ZBTB7A: variants seen among roughly 807,000 people sequenced by gnomAD.
ZBTB7A encodes zinc finger and BTB domain-containing protein 7A.
ZBTB7A carries 7 observed loss-of-function variants against 26.7 expected under a neutral mutation model. The ratio of observed to expected loss-of-function variants is 0.26; its 90% CI spans 0.15 to 0.49. The LOEUF is 0.49. Ranked by LOEUF, ZBTB7A falls within the 20% of genes least tolerant of loss-of-function variation. The probability of loss-of-function intolerance (pLI) is 0.98; values close to 1 mark genes in which losing one functional copy is unlikely to be tolerated. For missense variants in ZBTB7A, 617 were observed against 919.5 expected, an observed-to-expected ratio of 0.67 and a Z score of 4.25; for synonymous variants, 452 against 441.0, an observed-to-expected ratio of 1.02 and a Z score of -0.31.
chr19:4,065,804 A>C, intron 1 of ZBTB7A: 3 of 130,122 alleles, frequency 2.3e-5, no homozygotes, highest in South Asian at 5.3e-4. Context: ...CCAGGCGGGG[A>C]GGGGCCCCGG....
At position 4,050,454 on chromosome 19, in the gene ZBTB7A, G is replaced by A. The variant is rs75758089; in HGVS notation, c.1263-2210C>T. ...AAGGCAGGGGTTGGGTGTGACTTGA[G>A]GGCCCCTCCCTGCCTGTCTCGCCCC... is the stretch of plus-strand genomic sequence containing the variant. On this transcript the variant is annotated intron_variant, in intron 2 of 2. Coordinates refer to ENST00000322357, the MANE Select transcript of ZBTB7A (RefSeq NM_015898.4). 2.4e-3 allele frequency among the ~76,000 whole-genome samples: 366 copies of A among 152,298 alleles called. 1 individual carries two copies. Among genetic ancestry groups the A allele is most frequent in the African/African-American group, 8.3e-3 (345 of 41,564 alleles).
At position 4,057,186 on chromosome 19, in the gene ZBTB7A, T is replaced by G. The variant is rs1423839943; in HGVS notation, c.-15-1939A>C. 4.7e-5 allele frequency among the ~76,000 whole-genome samples: 7 copies of G among 149,190 alleles called. No homozygotes were observed. In the East Asian group the frequency reaches 1.0e-3, roughly 21 times the overall value. ...CAACATGGTGAAATCTCGTCTCTAC[T>G]AAAAATACAAAATTAGCCAGGTGTG... is the stretch of plus-strand genomic sequence containing the variant. On this transcript the variant is annotated intron_variant, in intron 1 of 2. Transcript: ENST00000322357.
At chr19:4,050,352 C>T (rs1458732970) in intron 2 of ZBTB7A, among the ~76,000 whole-genome samples, 4 of 152,214 alleles carry the variant, frequency 2.6e-5, no homozygotes, top group East Asian at 1.9e-4. Context: ...TGAGCCACCG[C>T]GCCCGGCCGG....
intron 1 of ZBTB7A, chr19:4,065,301 C>A (rs2040682697): frequency 6.7e-6 from 1 of 148,770 alleles, no homozygotes; most frequent in Non-Finnish European, 1.5e-5. Context: ...CAGGCCAGGC[C>A]CCCCACCCGG....
At chr19:4,066,190 T>C (rs1427824270) in intron 1 of ZBTB7A, among the ~76,000 whole-genome samples, 1 of 110,340 alleles carries the variant, frequency 9.1e-6, no homozygotes, top group Non-Finnish European at 1.8e-5. Flanking sequence ...CCCTGTTTTT[T>C]CAGCCCCCTC....
chr19:4,066,198 C>T (rs1290407425), intron 1 of ZBTB7A, among the ~76,000 whole-genome samples: 1 of 125,726 alleles, frequency 8.0e-6, no homozygotes, highest in Non-Finnish European at 1.7e-5. Flanking sequence ...TTTCAGCCCC[C>T]TCCCCCCCAT....
chr19:4,063,556 G>A (rs1253082100), intron 1 of ZBTB7A, among the ~76,000 whole-genome samples: 3 of 152,152 alleles, frequency 2.0e-5, no homozygotes, highest in Non-Finnish European at 4.4e-5. Context: ...GTGACCTTGG[G>A]AGCCATGCTG....
At chr19:4,061,521 C>T (rs548417717) in intron 1 of ZBTB7A, 2 of 152,398 alleles carry the variant, frequency 1.3e-5, no homozygotes, top group Non-Finnish European at 2.9e-5. Context: ...CACCAACGGC[C>T]TGGGGTGGCT....
intron 1 of ZBTB7A, chr19:4,061,906 G>C (rs137965286): frequency 6.6e-6 from 1 of 152,242 alleles, no homozygotes; most frequent in East Asian, 1.9e-4. Context: ...TGAGCTTCCC[G>C]TCACTGGGGG....
intron 1 of ZBTB7A, among the ~76,000 whole-genome samples, chr19:4,058,952 G>A (rs951384087): frequency 3.9e-5 from 6 of 152,228 alleles, no homozygotes; most frequent in African/African-American, 1.2e-4. Flanking sequence ...GGCCTGTGGT[G>A]GGGCGGTGGG....
At position 4,043,546 on chromosome 19, in the gene ZBTB7A, G is replaced by A. The variant is rs1456515384; in HGVS notation, c.*4206C>T. Among the ~76,000 whole-genome samples the A allele has an allele frequency of 5.3e-5, 8 of 151,000 alleles. No homozygotes were observed. Among genetic ancestry groups the A allele is most frequent in the Admixed American group, 2.0e-4 (3 of 15,170 alleles). On this transcript the variant is annotated 3_prime_UTR_variant, in exon 3 of 3. Coordinates refer to ENST00000322357, the MANE Select transcript of ZBTB7A (RefSeq NM_015898.4). ...TGTCTGTGCTCTGTACCCTGAGGGC[G>A]CCGCCCCGCCCCCCATTCACCAGGC...
intron 2 of ZBTB7A, among the ~76,000 whole-genome samples, 163 bp downstream of exon 2, chr19:4,053,808 C>T (rs550799917): frequency 2.7e-5 from 4 of 148,440 alleles, no homozygotes; most frequent in African/African-American, 7.5e-5. Context: ...GTGTAGGTGA[C>T]GTGCATGTGT....
Position 4,044,206 on chromosome 19 carries a change from GA to G in ZBTB7A, c.*3545del, listed in dbSNP as rs2040383838. 6.6e-6 allele frequency among the ~76,000 whole-genome samples: 1 copy of G among 152,060 alleles called. No homozygotes were observed. Among genetic ancestry groups the G allele is most frequent in the African/African-American group, 2.4e-5 (1 of 41,442 alleles). On this transcript the variant is annotated 3_prime_UTR_variant, in exon 3 of 3. Transcript: ENST00000322357. ...GAGGCTGGGGGACCCCCCTCGGAAG[GA>G]AGCAAAAAGACAGTGACAGGACTGC...
chr19:4,057,027 A>G (rs945655331), intron 1 of ZBTB7A, among the ~76,000 whole-genome samples: 4 of 129,740 alleles, frequency 3.1e-5, no homozygotes, highest in Non-Finnish European at 4.8e-5. Flanking sequence ...ACTCGGTCTG[A>G]AAAAAAAAAA....
intron 1 of ZBTB7A, among the ~76,000 whole-genome samples, chr19:4,065,126 CTCAGGCT>C (rs2145012420): frequency 6.6e-6 from 1 of 151,822 alleles, no homozygotes; most frequent in African/African-American, 2.4e-5. Flanking sequence ...CCTGCCCGGG[CTCAGGCT>C]TCGCACGTGG....
At position 4,048,790 on chromosome 19, in the gene ZBTB7A, T is replaced by C. The variant is rs1599248675; in HGVS notation, c.1263-546A>G. On this transcript the variant is annotated intron_variant, in intron 2 of 2. Coordinates refer to ENST00000322357, the MANE Select transcript of ZBTB7A (RefSeq NM_015898.4). The surrounding 1 kb of genome is among the most constrained non-coding windows in gnomAD (Gnocchi z 6.7). ...ATCACTTGTATCTGGGAGGTGGAGG[T>C]TGCAGTGAAACTCCGTCTCAAAAAA... 6.6e-6 allele frequency among the ~76,000 whole-genome samples: 1 copy of C among 151,066 alleles called. No individual in the cohort carries two copies. Among genetic ancestry groups the C allele is most frequent in the Admixed American group, 6.6e-5 (1 of 15,172 alleles).
At chr19:4,062,556 C>T (rs770130948) in intron 1 of ZBTB7A, 7 of 152,290 alleles carry the variant, frequency 4.6e-5, no homozygotes, top group Admixed American at 6.5e-5. Context: ...GAGCACGGGC[C>T]GTCTGTCTGG....
intron 1 of ZBTB7A, among the ~76,000 whole-genome samples, chr19:4,063,386 T>A (rs1029198311): frequency 6.6e-6 from 1 of 151,996 alleles, no homozygotes; most frequent in Admixed American, 6.6e-5. Flanking sequence ...GTGACCTCGG[T>A]CTCCTCTGGT....
intron 2 of ZBTB7A, among the ~76,000 whole-genome samples, chr19:4,051,437 A>G (rs2040503279): frequency 6.6e-6 from 1 of 152,160 alleles, no homozygotes; most frequent in Non-Finnish European, 1.5e-5. Flanking sequence ...GGGTTCCTCC[A>G]GCCCTAAGTC....
Sources: gnomAD v4.1 joint callset for allele counts (sites outside exome capture counted in the v4.1 genomes callset) on GRCh38, gnomAD v4.1.1 for gene constraint, Gnocchi (gnomAD v3.1) non-coding constraint, MANE v1.5 for transcripts, NCBI Gene and HGNC (gene_info 2026-07-23, HGNC 2026-07-21) for gene names.